The following SLC67A2 variants were observed in gnomAD, a reference collection of about 807,000 sequenced individuals.
SLC67A2 encodes the protein solute carrier family 67 member 2.
chr2:102,725,420 C>T, the SLC67A2 span, among the ~76,000 whole-genome samples: 1 of 152,172 alleles, frequency 6.6e-6, no homozygotes, highest in Non-Finnish European at 1.5e-5. Context: ...CATTTTAATC[C>T]TCCCCACAAA....
chr2:102,722,726 C>A, the SLC67A2 span, among the ~76,000 whole-genome samples: 1 of 152,012 alleles, frequency 6.6e-6, no homozygotes, highest in African/African-American at 2.4e-5. Context: ...GCAATAATTT[C>A]TTAGGTATAA....
chr2:102,723,744 TA>T, the SLC67A2 span: 2 of 1,614,164 alleles, frequency 1.2e-6, no homozygotes, highest in Non-Finnish European at 1.7e-6. Context: ...GGCTGTGAGA[TA>T]AAACCCATCC....
At chr2:102,730,925 T>C in the SLC67A2 span, 1 of 953,324 alleles carries the variant, frequency 1.0e-6, no homozygotes. Flanking sequence ...CATATTACAA[T>C]TTAAAGGTGT....
the SLC67A2 span, among the ~76,000 whole-genome samples, chr2:102,734,068 T>C: frequency 2.0e-5 from 3 of 152,226 alleles, no homozygotes; most frequent in Admixed American, 2.0e-4. Context: ...TCGCTGCATT[T>C]GGCATCTGGT....
the SLC67A2 span, among the ~76,000 whole-genome samples, chr2:102,721,776 C>G: frequency 1.6e-3 from 246 of 152,302 alleles, no homozygotes; most frequent in Non-Finnish European, 2.9e-3. Flanking sequence ...GTGATCACGG[C>G]TCACTGTAGT....
the SLC67A2 span, chr2:102,718,957 G>A: frequency 2.1e-5 from 34 of 1,614,228 alleles, no homozygotes; most frequent in East Asian, 1.1e-4. Flanking sequence ...TGACTGCCAT[G>A]GCCATCAGCA....
chr2:102,734,369 G>C, the SLC67A2 span, among the ~76,000 whole-genome samples: 1 of 151,992 alleles, frequency 6.6e-6, no homozygotes, highest in Non-Finnish European at 1.5e-5. Flanking sequence ...TAAACAAAAC[G>C]GGCCTCAAGG....
chr2:102,721,603 A>G, the SLC67A2 span, among the ~76,000 whole-genome samples: 1 of 152,254 alleles, frequency 6.6e-6, no homozygotes, highest in East Asian at 1.9e-4. Context: ...CTCTAAGTGA[A>G]GAAGAAGAAA....
chr2:102,734,570 T>C, the SLC67A2 span, among the ~76,000 whole-genome samples: 1 of 152,198 alleles, frequency 6.6e-6, no homozygotes, highest in African/African-American at 2.4e-5. Context: ...ATGTATAATG[T>C]TCCTTAGATG....
chr2:102,735,861 C>CAA, the SLC67A2 span, among the ~76,000 whole-genome samples: 3 of 150,926 alleles, frequency 2.0e-5, no homozygotes, highest in Non-Finnish European at 4.4e-5. Flanking sequence ...CACACACACA[C>CAA]ACACACACGA....
chr2:102,731,049 C>T, the SLC67A2 span: 2 of 1,613,700 alleles, frequency 1.2e-6, no homozygotes, highest in Non-Finnish European at 1.7e-6. Flanking sequence ...AAAAGAGTTG[C>T]AAAATGCCAT....
the SLC67A2 span, among the ~76,000 whole-genome samples, chr2:102,735,191 A>G: frequency 6.6e-6 from 1 of 152,222 alleles, no homozygotes. Context: ...GGTCAGAAGG[A>G]GTGCCAGTCT....
the SLC67A2 span, among the ~76,000 whole-genome samples, chr2:102,730,699 T>C: frequency 4.6e-5 from 7 of 152,190 alleles, no homozygotes; most frequent in East Asian, 3.9e-4. Context: ...CCTGCCACCA[T>C]GCCTGGCTAA....
At chr2:102,736,647 A>AAGAAGCCCACCAAGT in the SLC67A2 span, 1 of 1,613,820 alleles carries the variant, frequency 6.2e-7, no homozygotes, top group Non-Finnish European at 8.5e-7. Flanking sequence ...CGCACTCACC[A>AAGAAGCCCACCAAGT]AGAAGCCCAC....
chr2:102,733,342 A>G, the SLC67A2 span, among the ~76,000 whole-genome samples: 1 of 152,038 alleles, frequency 6.6e-6, no homozygotes, highest in African/African-American at 2.4e-5. Context: ...GAAAGAAAGA[A>G]CTCGCATGAA....
chr2:102,717,744 G>T, the SLC67A2 span: 1 of 152,428 alleles, frequency 6.6e-6, no homozygotes, highest in African/African-American at 2.4e-5. Context: ...CAAAATCAGT[G>T]CAGTCTCAGT....
At chr2:102,723,876 GC>G in the SLC67A2 span, 1 of 1,614,050 alleles carries the variant, frequency 6.2e-7, no homozygotes, top group South Asian at 1.1e-5. Flanking sequence ...AGAAAGTAGA[GC>G]CCTTGAGATG....
the SLC67A2 span, among the ~76,000 whole-genome samples, chr2:102,724,794 G>A: frequency 2.0e-5 from 3 of 152,178 alleles, no homozygotes; most frequent in Non-Finnish European, 4.4e-5. Context: ...CAACACACTC[G>A]TCCTACTAAT....
At chr2:102,731,466 A>T in the SLC67A2 span, among the ~76,000 whole-genome samples, 1 of 152,100 alleles carries the variant, frequency 6.6e-6, no homozygotes, top group African/African-American at 2.4e-5. Context: ...AAATCTTAAC[A>T]TTGTCTCTTA....
Sources: gnomAD v4.1 joint callset for allele counts (sites outside exome capture counted in the v4.1 genomes callset) on GRCh38, gnomAD v4.1.1 for gene constraint, MANE v1.5 for transcripts, NCBI Gene and HGNC (gene_info 2026-07-23, HGNC 2026-07-21) for gene names.